SCEL: variants seen among roughly 807,000 people sequenced by gnomAD.
SCEL encodes the protein sciellin.
SCEL carries 113 observed loss-of-function variants against 117.6 expected under a neutral mutation model. The ratio of observed to expected loss-of-function variants is 0.96; its 90% confidence interval spans 0.83 to 1.12. SCEL has a LOEUF of 1.12. Among genes scored for constraint, SCEL ranks in the 50% most tolerant of loss-of-function variants. The pLI, the probability that SCEL is intolerant of heterozygous loss-of-function variation, is 0.00. For missense variants in SCEL, 785 were observed against 810.8 expected (o/e 0.97, Z 0.39); for synonymous variants, 270 against 256.2 (o/e 1.05, Z -0.51).
chr13:77,618,136 G>C (rs993870529), intron 27 of SCEL, 76 bp downstream of exon 27: 2 of 1,088,736 alleles, frequency 1.8e-6, no homozygotes, highest in African/African-American at 1.5e-5. Context: ...TTGCCTCCCT[G>C]CCTCCCTCCC....
intron 19 of SCEL, among the ~76,000 whole-genome samples, chr13:77,605,088 C>A (rs919359370): frequency 6.6e-6 from 1 of 152,070 alleles, no homozygotes; most frequent in Non-Finnish European, 1.5e-5. Context: ...CTTTTTATTT[C>A]TTATAAGGCA....
chr13:77,634,685 A>G (rs1340955001), intron 29 of SCEL, among the ~76,000 whole-genome samples: 2 of 152,220 alleles, frequency 1.3e-5, no homozygotes, highest in African/African-American at 4.8e-5. Flanking sequence ...TAACACATGT[A>G]TACATAATAG....
At position 77,555,914 on chromosome 13, in the gene SCEL, A is replaced by G; in HGVS notation, c.39A>G (p.Gly13=). ...NVTLRKMSPT[G]NEMKSTTQGT... is the part of the protein sequence containing the mutation. ...CCTTGAGAAAAATGTCTCCCACAGG[A>G]AATGGTAATGTACATGATGTTTCTC... Residue 13 remains glycine (G), a synonymous_variant, in exon 2 of 33, where the codon GGA becomes GGG. Transcript: ENST00000349847. 1 of 1,613,332 alleles carries G rather than the reference A, an allele frequency of 6.2e-7. No individual in the cohort carries two copies. The highest frequency in any genetic ancestry group is 8.5e-7 in the Non-Finnish European group (1 of 1,179,390).
At chr13:77,630,093 T>C (rs1027741327) in intron 28 of SCEL, among the ~76,000 whole-genome samples, 1 of 152,148 alleles carries the variant, frequency 6.6e-6, no homozygotes, top group African/African-American at 2.4e-5. Flanking sequence ...GGAAGGATTC[T>C]TGCCTTGGGG....
chr13:77,638,492 T>C (rs1195703341), intron 30 of SCEL, among the ~76,000 whole-genome samples: 2 of 152,244 alleles, frequency 1.3e-5, no homozygotes, highest in African/African-American at 4.8e-5. Context: ...TTTCTATTAT[T>C]AAGGGAGGAA....
intron 10 of SCEL, among the ~76,000 whole-genome samples, chr13:77,590,386 T>G (rs1164405455): frequency 6.6e-6 from 1 of 152,096 alleles, no homozygotes; most frequent in Non-Finnish European, 1.5e-5. Flanking sequence ...TAACTTTTTG[T>G]TTGTATGATG....
chr13:77,633,442 C>CAAAAAAAAAAAAAAAAAAAAAAAA (rs59939208), intron 28 of SCEL, among the ~76,000 whole-genome samples: 6 of 30,016 alleles, frequency 2.0e-4, no homozygotes, highest in Admixed American at 4.4e-4. Flanking sequence ...GACTCCGCCT[C>CAAAAAAAAAAAAAAAAAAAAAAAA]AAAAAAAAAA....
At chr13:77,601,995 T>C (rs1331345130) in intron 15 of SCEL, 70 bp from the exon 16 acceptor site, 7 of 1,224,346 alleles carry the variant, frequency 5.7e-6, no homozygotes, top group African/African-American at 3.0e-5. Flanking sequence ...ATTACGAGAG[T>C]CTGAATATAT....
In SCEL at chr13:77,644,629, C is replaced by G. The variant is rs530911166; in HGVS notation, c.*355C>G. The G allele has an allele frequency of 9.2e-5, 16 of 174,720 alleles. No homozygotes were observed. The East Asian group carries it at 2.4e-3, about 26-fold the overall frequency. The allele number at this position is 174,720 out of a possible 1,614,324, so 10.8% of individuals were successfully genotyped here. A position where few individuals can be genotyped will look rare whatever the true frequency, so the allele number is the denominator to read the frequency against. ...TTCTCATTTCTTCACCTTTTTTTCT[C>G]TAAGAATTTGGATTCGTAGACATTG... On this transcript the variant is annotated 3_prime_UTR_variant, in exon 33 of 33. Transcript: ENST00000349847.
At chr13:77,558,459 A>G (rs1280658016) in intron 3 of SCEL, among the ~76,000 whole-genome samples, 1 of 152,024 alleles carries the variant, frequency 6.6e-6, no homozygotes, top group African/African-American at 2.4e-5. Flanking sequence ...GCATTGTTTC[A>G]TTTTTACTGT....
chr13:77,610,609 A>T (rs981580260), intron 22 of SCEL, among the ~76,000 whole-genome samples: 2 of 152,210 alleles, frequency 1.3e-5, no homozygotes, highest in African/African-American at 4.8e-5. Context: ...GACAGGAATG[A>T]TCTCTTACCA....
At chr13:77,551,898 T>C (rs1279856488) in intron 1 of SCEL, among the ~76,000 whole-genome samples, 3 of 129,470 alleles carry the variant, frequency 2.3e-5, no homozygotes, top group Non-Finnish European at 4.7e-5. Flanking sequence ...CCTGTGTCCA[T>C]GTGTTCTCAT....
intron 10 of SCEL, 61 bp downstream of exon 10, chr13:77,589,285 T>C (rs1882708860): frequency 7.9e-7 from 1 of 1,271,828 alleles, no homozygotes; most frequent in Admixed American, 1.7e-5. Flanking sequence ...TGAAAGTAAA[T>C]GGACTGTGAC....
intron 30 of SCEL, among the ~76,000 whole-genome samples, chr13:77,637,409 A>AATATATGTACATAT: frequency 1.7e-5 from 1 of 59,586 alleles, no homozygotes; most frequent in African/African-American, 5.0e-5. Context: ...TACATATATA[A>AATATATGTACATAT]ATAAATATAT....
intron 28 of SCEL, among the ~76,000 whole-genome samples, chr13:77,633,442 CAAA>C (rs59939208): frequency 7.3e-4 from 22 of 30,014 alleles, no homozygotes; most frequent in East Asian, 2.4e-3. Flanking sequence ...GACTCCGCCT[CAAA>C]AAAAAAAAAA....
intron 28 of SCEL, among the ~76,000 whole-genome samples, chr13:77,629,831 A>T (rs1401860569): frequency 1.3e-5 from 2 of 152,166 alleles, no homozygotes; most frequent in Non-Finnish European, 2.9e-5. Flanking sequence ...CAAGAGACTG[A>T]GTGGGGAAAG....
chr13:77,581,355 G>A (rs895327042), intron 9 of SCEL, among the ~76,000 whole-genome samples: 2 of 152,172 alleles, frequency 1.3e-5, no homozygotes, highest in African/African-American at 2.4e-5. Context: ...GTAAATGAAG[G>A]TCTTAACCTT....
At chr13:77,593,259 A>AGTGTGTGTGTGTGTGT (rs4052543) in intron 11 of SCEL, among the ~76,000 whole-genome samples, 1 of 111,160 alleles carries the variant, frequency 9.0e-6, no homozygotes, top group South Asian at 3.0e-4. Context: ...AACAGAGGGG[A>AGTGTGTGTGTGTGTGT]GTGTGTGTGT....
At chr13:77,621,368 A>T (rs1331742534) in intron 27 of SCEL, among the ~76,000 whole-genome samples, 1 of 151,816 alleles carries the variant, frequency 6.6e-6, no homozygotes, top group East Asian at 1.9e-4. Flanking sequence ...ACACCCTCTA[A>T]CTTGCATACT....
Sources: allele counts gnomAD v4.1 joint callset (sites outside exome capture counted in the v4.1 genomes callset), GRCh38; gene constraint gnomAD v4.1.1; transcripts MANE v1.5; gene names NCBI Gene and HGNC (gene_info 2026-07-23, HGNC 2026-07-21).